Variants in SCFD2 observed in about 807,000 individuals in gnomAD.
SCFD2 encodes the protein sec1 family domain-containing protein 2.
In SCFD2, 54 loss-of-function variants were observed where a neutral mutation model predicts 58.9. The observed-to-expected ratio is 0.92, with a 90% CI of 0.74 to 1.15. The LOEUF (loss-of-function observed/expected upper bound fraction) is 1.15, where lower values mean the gene tolerates loss of function less well. SCFD2 is among the 50% of genes most tolerant of loss of function. The probability of loss-of-function intolerance (pLI) is 0.00; values close to 1 mark genes in which losing one functional copy is unlikely to be tolerated. For missense variants in SCFD2, 805 were observed against 836.6 expected (o/e 0.96, Z 0.47); for synonymous variants, 321 against 335.9 (o/e 0.96, Z 0.49).
chr4:53,110,480 G>A (rs1249423620), intron 5 of SCFD2, among the ~76,000 whole-genome samples: 1 of 152,162 alleles, frequency 6.6e-6, no homozygotes, highest in African/African-American at 2.4e-5. Flanking sequence ...GAAAATTTTT[G>A]CAATCTGTCC....
intron 5 of SCFD2, among the ~76,000 whole-genome samples, chr4:52,992,712 G>A (rs1015691563): frequency 3.3e-5 from 5 of 152,108 alleles, no homozygotes; most frequent in African/African-American, 7.2e-5. Context: ...GTCTCCGCCC[G>A]GCCGCCCCGT....
chr4:53,317,748 C>T (rs1362641517), intron 2 of SCFD2, among the ~76,000 whole-genome samples: 1 of 152,170 alleles, frequency 6.6e-6, no homozygotes, highest in South Asian at 2.1e-4. Flanking sequence ...CATTTTGCCA[C>T]CTACTAGCTC....
intron 5 of SCFD2, among the ~76,000 whole-genome samples, chr4:52,973,762 A>G (rs574741700): frequency 6.6e-6 from 1 of 152,224 alleles, no homozygotes; most frequent in Non-Finnish European, 1.5e-5. Flanking sequence ...CGATGCAAAA[A>G]TCCCCAATAA....
chr4:53,249,296 T>C (rs1577894945), intron 4 of SCFD2, among the ~76,000 whole-genome samples: 1 of 152,206 alleles, frequency 6.6e-6, no homozygotes, highest in East Asian at 1.9e-4. Flanking sequence ...CCAAGAAATA[T>C]GGGACTATGT....
intron 4 of SCFD2, among the ~76,000 whole-genome samples, chr4:53,254,372 C>G (rs1028382126): frequency 8.5e-5 from 13 of 152,296 alleles, no homozygotes; most frequent in Non-Finnish European, 1.5e-4. Flanking sequence ...TCCATCCTGC[C>G]ACCCTGTGAA....
chr4:53,280,462 G>T (rs1346521569), intron 3 of SCFD2, among the ~76,000 whole-genome samples: 1 of 151,992 alleles, frequency 6.6e-6, no homozygotes, highest in Non-Finnish European at 1.5e-5. Flanking sequence ...GTTGCAGTGA[G>T]CTGAGATTGC....
chr4:52,947,843 A>G (rs544471018), intron 5 of SCFD2, among the ~76,000 whole-genome samples: 2 of 152,108 alleles, frequency 1.3e-5, no homozygotes, highest in South Asian at 4.2e-4. Flanking sequence ...CAGAGTGAAA[A>G]GCTAAGCCTT....
chr4:53,029,216 T>A (rs1400379285), intron 5 of SCFD2, among the ~76,000 whole-genome samples: 2 of 151,734 alleles, frequency 1.3e-5, no homozygotes, highest in East Asian at 3.9e-4. Context: ...TTTATGCCAA[T>A]CTTCATCTTT....
At chr4:52,951,702 C>G (rs1403480124) in intron 5 of SCFD2, among the ~76,000 whole-genome samples, 1 of 152,192 alleles carries the variant, frequency 6.6e-6, no homozygotes, top group African/African-American at 2.4e-5. Flanking sequence ...TCCAGCTCAG[C>G]TCTTCTTTCC....
At chr4:53,142,075 C>T (rs530579739) in intron 5 of SCFD2, among the ~76,000 whole-genome samples, 57 of 152,278 alleles carry the variant, frequency 3.7e-4, no homozygotes, top group East Asian at 7.7e-4. Context: ...AAAATTAAGT[C>T]CACAAGTCCA....
intron 3 of SCFD2, among the ~76,000 whole-genome samples, chr4:53,274,757 C>T (rs1214237084): frequency 6.6e-6 from 1 of 152,180 alleles, no homozygotes; most frequent in East Asian, 1.9e-4. Context: ...GTCTTTCCAC[C>T]GAGTCTCCTC....
intron 7 of SCFD2, 87 bp from the exon 8 acceptor site, chr4:52,885,953 A>G: frequency 1.3e-6 from 2 of 1,531,350 alleles, no homozygotes; most frequent in Non-Finnish European, 1.8e-6. Flanking sequence ...GTCCCTCTGT[A>G]GAAACCTCAG....
At chr4:53,047,204 T>G (rs1723062768) in intron 5 of SCFD2, among the ~76,000 whole-genome samples, 1 of 152,148 alleles carries the variant, frequency 6.6e-6, no homozygotes, top group Non-Finnish European at 1.5e-5. Flanking sequence ...TCCCAGCACT[T>G]TGAGAGGCTG....
At chr4:53,322,957 C>G (rs1255647545) in intron 2 of SCFD2, among the ~76,000 whole-genome samples, 1 of 152,196 alleles carries the variant, frequency 6.6e-6, no homozygotes, top group Non-Finnish European at 1.5e-5. Flanking sequence ...CTCTTAGAAG[C>G]AAATGTATCT....
intron 5 of SCFD2, among the ~76,000 whole-genome samples, chr4:52,969,123 C>T (rs933443192): frequency 1.3e-5 from 2 of 152,118 alleles, no homozygotes; most frequent in Admixed American, 6.6e-5. Context: ...CTCCCTCACC[C>T]GTGATGTCTC....
chr4:52,940,782 C>A (rs1321622383), intron 5 of SCFD2, among the ~76,000 whole-genome samples: 2 of 152,134 alleles, frequency 1.3e-5, no homozygotes, highest in Non-Finnish European at 2.9e-5. Context: ...AAGACACAAA[C>A]TGATAGAAAG....
chr4:53,146,896 A>G (rs1409111434), intron 4 of SCFD2, among the ~76,000 whole-genome samples: 1 of 152,236 alleles, frequency 6.6e-6, no homozygotes, highest in African/African-American at 2.4e-5. Flanking sequence ...CACAGTATAT[A>G]CAGGATTCAG....
At chr4:53,017,401 G>A (rs1722241011) in intron 5 of SCFD2, among the ~76,000 whole-genome samples, 1 of 152,192 alleles carries the variant, frequency 6.6e-6, no homozygotes, top group Non-Finnish European at 1.5e-5. Flanking sequence ...CTCACCCAAA[G>A]TTCTGATGCT....
chr4:53,218,446 C>A (rs982418468), intron 4 of SCFD2, among the ~76,000 whole-genome samples: 2 of 152,202 alleles, frequency 1.3e-5, no homozygotes, highest in African/African-American at 4.8e-5. Flanking sequence ...GCTACTGAAG[C>A]TTGTGCATTC....
Sources: allele counts gnomAD v4.1 joint callset (sites outside exome capture counted in the v4.1 genomes callset), GRCh38; gene constraint gnomAD v4.1.1; transcripts MANE v1.5; gene names NCBI Gene and HGNC (gene_info 2026-07-23, HGNC 2026-07-21).